The following GPC5 variants were observed in gnomAD, a reference collection of about 807,000 sequenced individuals.
GPC5 encodes the protein glypican-5.
GPC5 carries 47 observed loss-of-function variants against 53.9 expected under a neutral mutation model. That is an observed-to-expected ratio of 0.87 (90% CI 0.69 to 1.11). The LOEUF (loss-of-function observed/expected upper bound fraction) is 1.11. Among genes scored for constraint, GPC5 ranks in the 50% most tolerant of loss-of-function variants. The pLI is 0.00. For missense variants in GPC5, 748 were observed against 713.1 expected (o/e 1.05, Z -0.56); for synonymous variants, 286 against 263.3 (o/e 1.09, Z -0.84).
intron 7 of GPC5, among the ~76,000 whole-genome samples, chr13:92,544,845 C>CT (rs1399747807): frequency 1.3e-5 from 2 of 151,710 alleles, no homozygotes; most frequent in Non-Finnish European, 2.9e-5. Context: ...TCATCTATTC[C>CT]TTTTTTATGT....
chr13:92,755,593 A>G (rs1451014014), intron 7 of GPC5, among the ~76,000 whole-genome samples: 1 of 148,638 alleles, frequency 6.7e-6, no homozygotes, highest in Non-Finnish European at 1.5e-5. Flanking sequence ...CAAGACTAAT[A>G]AAGAAAAAAA....
At position 91,823,060 on chromosome 13, in the gene GPC5, G is replaced by C. The variant is rs574667944; in HGVS notation, c.1280+66640G>C. ...TCTACTAAACCAATGTAGAGACCAA[G>C]TCAGTATCACTATAGTATGATGGAA... On this transcript the variant is annotated intron_variant, in intron 5 of 7. Coordinates refer to ENST00000377067, the MANE Select transcript of GPC5 (RefSeq NM_004466.6). 1.1e-4 allele frequency among the ~76,000 whole-genome samples: 16 copies of C among 152,200 alleles called. No homozygotes were observed. In the South Asian group the frequency reaches 2.3e-3, roughly 22 times the overall value.
chr13:92,835,144 A>G (rs1318375429), intron 7 of GPC5, among the ~76,000 whole-genome samples: 1 of 151,808 alleles, frequency 6.6e-6, no homozygotes, highest in Non-Finnish European at 1.5e-5. Context: ...ACCAAATTAT[A>G]CCCTCCCACA....
At chr13:92,077,037 C>A (rs2041257719) in intron 6 of GPC5, among the ~76,000 whole-genome samples, 1 of 152,162 alleles carries the variant, frequency 6.6e-6, no homozygotes, top group African/African-American at 2.4e-5. Context: ...CAAACTCAAC[C>A]AATTGTCAAT....
intron 6 of GPC5, among the ~76,000 whole-genome samples, chr13:92,071,430 G>T (rs976248230): frequency 2.0e-5 from 3 of 151,986 alleles, no homozygotes; most frequent in African/African-American, 7.2e-5. Context: ...AAAAGCAAAA[G>T]ATCTCTTGTT....
intron 2 of GPC5, among the ~76,000 whole-genome samples, chr13:91,459,616 A>G (rs888863595): frequency 6.6e-5 from 10 of 152,080 alleles, no homozygotes; most frequent in Non-Finnish European, 1.2e-4. Context: ...GTCTGTTGGT[A>G]GAGTTGGAGT....
At chr13:92,085,941 G>A (rs549372014) in intron 6 of GPC5, among the ~76,000 whole-genome samples, 20 of 152,284 alleles carry the variant, frequency 1.3e-4, no homozygotes, top group African/African-American at 4.6e-4. Flanking sequence ...CCCGTGCTTT[G>A]CAGTCTTGTT....
chr13:91,912,990 T>C (rs753788696), intron 6 of GPC5, among the ~76,000 whole-genome samples: 7 of 152,166 alleles, frequency 4.6e-5, no homozygotes, highest in South Asian at 2.1e-4. Flanking sequence ...TAAAACATCA[T>C]TGGGCTCTCT....
intron 6 of GPC5, among the ~76,000 whole-genome samples, chr13:92,013,884 C>A (rs2040683636): frequency 6.6e-6 from 1 of 151,962 alleles, no homozygotes; most frequent in South Asian, 2.1e-4. Context: ...CTTCATAAAT[C>A]AAAATTAAAA....
At chr13:91,588,521 C>T (rs943333785) in intron 2 of GPC5, among the ~76,000 whole-genome samples, 1 of 152,046 alleles carries the variant, frequency 6.6e-6, no homozygotes, top group African/African-American at 2.4e-5. Flanking sequence ...ATTTTTCCCC[C>T]TCTACAGGTG....
At chr13:92,759,290 G>A (rs1461833227) in intron 7 of GPC5, among the ~76,000 whole-genome samples, 1 of 151,540 alleles carries the variant, frequency 6.6e-6, no homozygotes, top group Non-Finnish European at 1.5e-5. Context: ...ATTCCACTGG[G>A]ATTTTGATAA....
chr13:91,435,442 A>G (rs536286174), intron 1 of GPC5, among the ~76,000 whole-genome samples: 1 of 152,212 alleles, frequency 6.6e-6, no homozygotes, highest in Non-Finnish European at 1.5e-5. Flanking sequence ...TACTGAGATA[A>G]TCATATGGTT....
chr13:92,493,676 T>G (rs1427101051), intron 7 of GPC5, among the ~76,000 whole-genome samples: 1 of 152,208 alleles, frequency 6.6e-6, no homozygotes, highest in Admixed American at 6.5e-5. Context: ...TAAATCTTTC[T>G]TATTTTTCTT....
At chr13:91,399,486 A>T (rs1049431589) in intron 1 of GPC5, among the ~76,000 whole-genome samples, 1 of 152,154 alleles carries the variant, frequency 6.6e-6, no homozygotes, top group Non-Finnish European at 1.5e-5. Flanking sequence ...GTTGGAAGGA[A>T]CCAGGAAAGC....
intron 7 of GPC5, among the ~76,000 whole-genome samples, chr13:92,383,093 G>A (rs978371991): frequency 1.3e-5 from 2 of 151,286 alleles, no homozygotes; most frequent in African/African-American, 2.4e-5. Context: ...TCAGTTCATT[G>A]GCCATAAAAA....
intron 7 of GPC5, among the ~76,000 whole-genome samples, chr13:92,518,486 G>A (rs545444782): frequency 6.6e-6 from 1 of 152,122 alleles, no homozygotes; most frequent in African/African-American, 2.4e-5. Context: ...CATTCTTAAA[G>A]AAAAGAATTT....
chr13:92,422,825 A>T (rs1594189529), intron 7 of GPC5, among the ~76,000 whole-genome samples: 1 of 152,342 alleles, frequency 6.6e-6, no homozygotes, highest in Middle Eastern at 3.4e-3. Context: ...CTTTAAAAAA[A>T]TTTGCCACAT....
At chr13:92,351,631 A>G (rs2043478433) in intron 7 of GPC5, among the ~76,000 whole-genome samples, 1 of 152,146 alleles carries the variant, frequency 6.6e-6, no homozygotes, top group African/African-American at 2.4e-5. Flanking sequence ...TTGATATAAT[A>G]CAAGTGTTTA....
chr13:92,661,162 G>T (rs928364708), intron 7 of GPC5, among the ~76,000 whole-genome samples: 20 of 151,874 alleles, frequency 1.3e-4, no homozygotes, highest in Admixed American at 2.0e-4. Context: ...GGGTGTGGTG[G>T]TGTGCGCATA....
Sources: allele counts gnomAD v4.1 joint callset (sites outside exome capture counted in the v4.1 genomes callset), GRCh38; gene constraint gnomAD v4.1.1; transcripts MANE v1.5; gene names NCBI Gene and HGNC (gene_info 2026-07-23, HGNC 2026-07-21).